The following GRIN2B variants were observed in gnomAD, a reference collection of about 807,000 sequenced individuals.
GRIN2B encodes glutamate receptor ionotropic, NMDA 2B.
Under a neutral mutation model 114.5 loss-of-function variants are expected in GRIN2B, and 5 were observed. The observed-to-expected ratio is 0.04, with a 90% confidence interval of 0.02 to 0.09. GRIN2B has a LOEUF of 0.09. GRIN2B is among the 10% of genes least tolerant of loss of function. GRIN2B has a pLI of 1.00. For missense variants in GRIN2B, 1,108 were observed against 1,943.5 expected (o/e 0.57, Z 8.08); for synonymous variants, 787 against 745.1 (o/e 1.06, Z -0.92).
chr12:13,685,110 C>T (rs1398511643), intron 4 of GRIN2B, among the ~76,000 whole-genome samples: 1 of 152,160 alleles, frequency 6.6e-6, no homozygotes, highest in Non-Finnish European at 1.5e-5. Flanking sequence ...GGTATGATAT[C>T]AACGGAAAAG....
At position 13,555,343 on chromosome 12, in the gene GRIN2B, T is replaced by A. The variant is rs1172400724; in HGVS notation, c.*7440A>T. The A allele has an allele frequency of 2.0e-5, 3 of 152,206 alleles. No individual in the cohort carries two copies. The highest frequency in any genetic ancestry group is 7.2e-5 in the African/African-American group (3 of 41,450). 9.4% of individuals were successfully genotyped at this position (152,206 alleles called of 1,614,324 possible). On this transcript the variant is annotated 3_prime_UTR_variant, in exon 14 of 14. Coordinates refer to ENST00000609686, the MANE Select transcript of GRIN2B (RefSeq NM_000834.5). ...GTAGTTTCAGAAGAGTGGTAGGGTG[T>A]AGCCCATTGATGAAGCCATGAGCAT...
At chr12:13,776,732 T>C (rs1403266454) in intron 3 of GRIN2B, among the ~76,000 whole-genome samples, 5 of 151,890 alleles carry the variant, frequency 3.3e-5, no homozygotes, top group African/African-American at 1.2e-4. Context: ...GCAGAAAACC[T>C]TTCAGATAAA....
intron 5 of GRIN2B, among the ~76,000 whole-genome samples, chr12:13,647,558 T>G (rs1949772482): frequency 6.6e-6 from 1 of 152,078 alleles, no homozygotes; most frequent in Non-Finnish European, 1.5e-5. Flanking sequence ...TAAAAATAAT[T>G]GAAGTAGTCT....
At chr12:13,975,602 GAACA>G (rs953300071) in intron 2 of GRIN2B, among the ~76,000 whole-genome samples, 11 of 152,134 alleles carry the variant, frequency 7.2e-5, no homozygotes, top group Admixed American at 5.2e-4. Context: ...AAACCCAACA[GAACA>G]AACAGGTAGC....
intron 5 of GRIN2B, among the ~76,000 whole-genome samples, chr12:13,636,657 C>T (rs1190783405): frequency 6.6e-6 from 1 of 152,066 alleles, no homozygotes; most frequent in African/African-American, 2.4e-5. Context: ...GGTTTTGGGC[C>T]CAAGCCACTG....
chr12:13,833,415 T>G (rs1865189988), intron 3 of GRIN2B, among the ~76,000 whole-genome samples: 1 of 152,216 alleles, frequency 6.6e-6, no homozygotes, highest in African/African-American at 2.4e-5. Flanking sequence ...ATTGGCCTTT[T>G]GCTTATTCCA....
chr12:13,587,594 A>T (rs1014047243), intron 10 of GRIN2B, among the ~76,000 whole-genome samples: 1 of 152,090 alleles, frequency 6.6e-6, no homozygotes, highest in Non-Finnish European at 1.5e-5. Context: ...GGCTCAAGTG[A>T]TCTTCTCACC....
chr12:13,587,257 TTA>T (rs1481055447), intron 10 of GRIN2B, among the ~76,000 whole-genome samples: 39 of 152,176 alleles, frequency 2.6e-4, no homozygotes, highest in African/African-American at 9.4e-4. Context: ...ACCCTTGTCT[TTA>T]ACAATATACC....
intron 2 of GRIN2B, among the ~76,000 whole-genome samples, chr12:13,907,866 C>T (rs971828415): frequency 6.6e-6 from 1 of 152,074 alleles, no homozygotes; most frequent in African/African-American, 2.4e-5. Flanking sequence ...TCTTAAAATT[C>T]AGGATAAAAT....
intron 3 of GRIN2B, among the ~76,000 whole-genome samples, chr12:13,761,667 C>T (rs1863683341): frequency 6.6e-6 from 1 of 152,196 alleles, no homozygotes; most frequent in Non-Finnish European, 1.5e-5. Context: ...ATCAAACCTA[C>T]TCTCAGATGG....
At chr12:13,731,503 A>C (rs1454075274) in intron 4 of GRIN2B, among the ~76,000 whole-genome samples, 1 of 152,166 alleles carries the variant, frequency 6.6e-6, no homozygotes, top group Non-Finnish European at 1.5e-5. Flanking sequence ...TGGGAGGCTG[A>C]GGCAGGAGAA....
chr12:13,797,413 A>G (rs568012833), intron 3 of GRIN2B, among the ~76,000 whole-genome samples: 1 of 152,230 alleles, frequency 6.6e-6, no homozygotes, highest in East Asian at 1.9e-4. Flanking sequence ...TATAAGTTGC[A>G]CTTTTACTAA....
chr12:13,719,795 T>C (rs1267062645), intron 4 of GRIN2B, among the ~76,000 whole-genome samples: 1 of 152,118 alleles, frequency 6.6e-6, no homozygotes, highest in Non-Finnish European at 1.5e-5. Context: ...TTTCGTTATT[T>C]CGGAGAAATG....
chr12:13,820,725 C>T (rs1165432811), intron 3 of GRIN2B, among the ~76,000 whole-genome samples: 1 of 152,114 alleles, frequency 6.6e-6, no homozygotes, highest in Admixed American at 6.6e-5. Context: ...TTGCTAAATG[C>T]TATCCATTTT....
chr12:13,812,320 C>T (rs1319161202), intron 3 of GRIN2B, among the ~76,000 whole-genome samples: 3 of 152,102 alleles, frequency 2.0e-5, no homozygotes, highest in African/African-American at 7.2e-5. Context: ...ACTGAAATAA[C>T]TTCTGGGTTT....
chr12:13,886,443 G>C (rs560403287), intron 2 of GRIN2B, among the ~76,000 whole-genome samples: 5 of 152,268 alleles, frequency 3.3e-5, no homozygotes, highest in African/African-American at 1.2e-4. Flanking sequence ...AGCTAAATAA[G>C]TTAGCTGTGG....
chr12:13,673,391 G>C (rs1368095173), intron 5 of GRIN2B, among the ~76,000 whole-genome samples: 1 of 152,094 alleles, frequency 6.6e-6, no homozygotes, highest in African/African-American at 2.4e-5. Flanking sequence ...TTGAATGCAA[G>C]AACAGATCAA....
At chr12:13,665,174 TG>T (rs1386638309) in intron 5 of GRIN2B, among the ~76,000 whole-genome samples, 2 of 130,742 alleles carry the variant, frequency 1.5e-5, no homozygotes, top group Non-Finnish European at 3.5e-5. Flanking sequence ...TGTTTGTGTG[TG>T]TGTGTGTGTG....
chr12:13,590,209 C>A, intron 10 of GRIN2B, among the ~76,000 whole-genome samples: 1 of 151,740 alleles, frequency 6.6e-6, no homozygotes, highest in Non-Finnish European at 1.5e-5. Context: ...TTAAGAAAGA[C>A]CTAGTTTTTA....
Sources: gnomAD v4.1 joint callset for allele counts (sites outside exome capture counted in the v4.1 genomes callset) on GRCh38, gnomAD v4.1.1 for gene constraint, MANE v1.5 for transcripts, NCBI Gene and HGNC (gene_info 2026-07-23, HGNC 2026-07-21) for gene names.